The following NINJ2 variants were observed in gnomAD, a reference collection of about 807,000 sequenced individuals.
The protein encoded by NINJ2 is ninjurin 2, also known as ninjurin-2.
In NINJ2, 12 loss-of-function variants were observed where a neutral mutation model predicts 11.7. The ratio of observed to expected loss-of-function variants is 1.02; its 90% CI spans 0.66 to 1.66. NINJ2 has a LOEUF of 1.66. Ranked by LOEUF, NINJ2 falls within the 40% of genes most tolerant of loss-of-function variation. The pLI, the probability that NINJ2 is intolerant of heterozygous loss-of-function variation, is 0.00. For missense variants in NINJ2, 187 were observed against 181.8 expected (o/e 1.03, Z -0.16); for synonymous variants, 93 against 76.8 (o/e 1.21, Z -1.10).
intron 1 of NINJ2, among the ~76,000 whole-genome samples, chr12:638,111 G>A (rs2120469020): frequency 6.6e-6 from 1 of 152,346 alleles, no homozygotes; most frequent in African/African-American, 2.4e-5. Flanking sequence ...TTAGGAGGAA[G>A]GTGCTGCCCA....
chr12:609,815 G>A (rs917634759), intron 1 of NINJ2, among the ~76,000 whole-genome samples: 2 of 148,346 alleles, frequency 1.3e-5, no homozygotes, highest in Non-Finnish European at 3.0e-5. Context: ...GCAGCAATAG[G>A]GGACTTGTCC....
rs543874719 is a variant in NINJ2, at chr12:565,779, G to A, written c.262+171C>T. ...GAGACAGGACAGGGCGCCTGCCCTC[G>A]CGGGGTGGAAGTTGGTCTTTGGGCC... On this transcript the variant is annotated intron_variant, in intron 2 of 3. Transcript: ENST00000305108. The A allele has an allele frequency of 4.6e-5, 32 of 697,242 alleles. No individual in the cohort carries two copies. In the East Asian group the frequency reaches 6.7e-4, roughly 15 times the overall value. 43.2% of individuals were successfully genotyped at this position (697,242 alleles called of 1,614,324 possible).
At position 581,797 on chromosome 12, in the gene NINJ2, A is replaced by G. The variant is rs1235303906; in HGVS notation, c.34-15619T>C. 6.6e-6 allele frequency among the ~76,000 whole-genome samples: 1 copy of G among 152,172 alleles called. No homozygotes were observed. Among genetic ancestry groups the G allele is most frequent in the Non-Finnish European group, 1.5e-5 (1 of 68,030 alleles). ...TTCCTCCTCGTGGTGAGAAGCTAGT[A>G]TCTGGTGAAATAGGTGAGCTGCTGC... On this transcript the variant is annotated intron_variant, in intron 1 of 3. Coordinates refer to ENST00000305108, the MANE Select transcript of NINJ2 (RefSeq NM_016533.6). This position sits in a 1 kb window ranked among gnomAD's most constrained non-coding sequence, Gnocchi z 4.9.
intron 1 of NINJ2, among the ~76,000 whole-genome samples, chr12:650,209 T>C (rs1937765850): frequency 6.6e-6 from 1 of 151,808 alleles, no homozygotes; most frequent in African/African-American, 2.4e-5. Context: ...CTCAGCCTCC[T>C]GAGTAGCTGG....
At chr12:624,976 G>A (rs1028470594) in intron 1 of NINJ2, among the ~76,000 whole-genome samples, 2 of 151,668 alleles carry the variant, frequency 1.3e-5, no homozygotes, top group African/African-American at 2.4e-5. Context: ...TGGCATGGTC[G>A]TGAGCACCTA....
intron 1 of NINJ2, among the ~76,000 whole-genome samples, chr12:646,804 C>A (rs1210580770): frequency 6.6e-6 from 1 of 152,164 alleles, no homozygotes; most frequent in Non-Finnish European, 1.5e-5. Flanking sequence ...GCACACAAAA[C>A]AAAATGACCA....
intron 1 of NINJ2, among the ~76,000 whole-genome samples, chr12:570,066 C>A (rs577869281): frequency 7.2e-5 from 11 of 152,304 alleles, no homozygotes; most frequent in Admixed American, 5.9e-4. Context: ...GCCTCGCCCG[C>A]AAGTCTGGAT....
chr12:601,322 G>A (rs544023839), intron 1 of NINJ2, among the ~76,000 whole-genome samples: 3,730 of 151,934 alleles, frequency 0.025, 85 homozygotes, highest in Non-Finnish European at 0.029. Context: ...TGAGGCGGGC[G>A]GATCAGGAAG....
At chr12:593,394 T>C (rs534760563) in intron 1 of NINJ2, among the ~76,000 whole-genome samples, 2 of 152,224 alleles carry the variant, frequency 1.3e-5, no homozygotes, top group South Asian at 4.2e-4. Flanking sequence ...GTGATGAAGC[T>C]CCCAGCTTCA....
In NINJ2 at chr12:629,716, C is replaced by T. The variant is rs186493664; in HGVS notation, c.33+33612G>A. ...CAGCCTGACCAACATGGAGAAACCT[C>T]GTCTCTACTAAAAATGCAAAATTAA... On this transcript the variant is annotated intron_variant, in intron 1 of 3. Transcript: ENST00000305108. 5.8e-3 allele frequency among the ~76,000 whole-genome samples: 874 copies of T among 150,336 alleles called. 2 individuals carry two copies. The highest frequency in any genetic ancestry group is 9.0e-3 in the Non-Finnish European group (610 of 67,508).
At chr12:565,159 G>C (rs1035617223) in intron 3 of NINJ2, 58 bp downstream of exon 3, 1 of 1,414,848 alleles carries the variant, frequency 7.1e-7, no homozygotes, top group Non-Finnish European at 9.5e-7. Context: ...AGCCCCAGAG[G>C]AGAGAGAAGG....
intron 1 of NINJ2, among the ~76,000 whole-genome samples, chr12:599,624 A>G (rs1321533356): frequency 6.6e-6 from 1 of 152,194 alleles, no homozygotes; most frequent in East Asian, 1.9e-4. Context: ...TAAGAGACTT[A>G]TCAGGATGCC....
intron 1 of NINJ2, among the ~76,000 whole-genome samples, chr12:576,640 C>T (rs1216811455): frequency 2.0e-5 from 3 of 152,192 alleles, no homozygotes; most frequent in African/African-American, 7.2e-5. Context: ...GCTGCAGGCG[C>T]GAGCCGCCAC....
chr12:573,657 AAAG>A (rs781146427), intron 1 of NINJ2, among the ~76,000 whole-genome samples: 1 of 152,198 alleles, frequency 6.6e-6, no homozygotes, highest in Admixed American at 6.5e-5. Context: ...GCCTAAGATG[AAAG>A]AAGACTAGTC....
chr12:565,407 G>A lies in NINJ2; in HGVS notation c.263-6C>T. The A allele has an allele frequency of 1.2e-6, 2 of 1,613,490 alleles. No individual in the cohort carries two copies. Among genetic ancestry groups the A allele is most frequent in the South Asian group, 1.1e-5 (1 of 91,060 alleles). ...CTCATTCAGGTTCAGCCGTGCTGCA[G>A]GGAAGTGGAGTGGGGGGAAAGGGTC... On this transcript the variant is annotated splice_polypyrimidine_tract_variant and splice_region_variant and intron_variant, in intron 2 of 3. Coordinates refer to ENST00000305108, the MANE Select transcript of NINJ2 (RefSeq NM_016533.6).
intron 1 of NINJ2, among the ~76,000 whole-genome samples, chr12:634,176 T>C (rs887325625): frequency 1.3e-5 from 2 of 150,890 alleles, no homozygotes; most frequent in African/African-American, 4.9e-5. Context: ...CAATAGACTA[T>C]AAGCCACCAT....
chr12:640,311 C>G lies in NINJ2; in HGVS notation c.33+23017G>C, dbSNP rs1209972105. Among the ~76,000 whole-genome samples, 1 of 152,140 alleles carries G rather than the reference C, an allele frequency of 6.6e-6. No homozygotes were observed. Among genetic ancestry groups the G allele is most frequent in the Non-Finnish European group, 1.5e-5 (1 of 68,030 alleles). On this transcript the variant is annotated intron_variant, in intron 1 of 3. Transcript: ENST00000305108. The surrounding 1 kb of genome is among the most constrained non-coding windows in gnomAD (Gnocchi z 4.0). ...GTTTAAGAACCATCATATCCAAAGT[C>G]CTTGTTTTACAAATGTGGCAACTGA...
chr12:592,297 C>T (rs1022781481), intron 1 of NINJ2, among the ~76,000 whole-genome samples: 1 of 152,022 alleles, frequency 6.6e-6, no homozygotes, highest in African/African-American at 2.4e-5. Context: ...TCGTCATTGC[C>T]GGAGGGATTC....
chr12:574,161 G>A (rs1947418567), intron 1 of NINJ2, among the ~76,000 whole-genome samples: 1 of 152,048 alleles, frequency 6.6e-6, no homozygotes, highest in Non-Finnish European at 1.5e-5. Flanking sequence ...GGCAGAGGTT[G>A]CAGTGAGCCG....
Sources: allele counts gnomAD v4.1 joint callset (sites outside exome capture counted in the v4.1 genomes callset), GRCh38; gene constraint gnomAD v4.1.1; non-coding constraint Gnocchi (gnomAD v3.1); transcripts MANE v1.5; gene names NCBI Gene and HGNC (gene_info 2026-07-23, HGNC 2026-07-21).